The following KCNMA1 variants were observed in gnomAD, a reference collection of about 807,000 sequenced individuals.
KCNMA1 encodes the protein potassium calcium-activated channel subfamily M alpha 1, also known as Calcium-activated potassium channel subunit alpha-1.
A neutral mutation model predicts 140.0 loss-of-function variants in KCNMA1; 29 were observed. The observed-to-expected ratio is 0.21, with a 90% CI of 0.15 to 0.28. The LOEUF (loss-of-function observed/expected upper bound fraction) is 0.28. Among genes scored for constraint, KCNMA1 ranks in the 10% least tolerant of loss-of-function variants. The pLI, the probability that KCNMA1 is intolerant of heterozygous loss-of-function variation, is 1.00. For synonymous variants in KCNMA1, 612 were observed against 611.9 expected, an observed-to-expected ratio of 1.00 and a Z score of 0.00; for missense variants, 880 against 1,602.2, an observed-to-expected ratio of 0.55 and a Z score of 7.70.
chr10:77,168,890 T>A (rs1264083176), intron 5 of KCNMA1, among the ~76,000 whole-genome samples: 3 of 152,238 alleles, frequency 2.0e-5, no homozygotes, highest in Non-Finnish European at 4.4e-5. Context: ...AATAATTTTT[T>A]AAGGCTTTTT....
chr10:76,971,960 A>G (rs2076194824), intron 19 of KCNMA1, among the ~76,000 whole-genome samples: 1 of 146,598 alleles, frequency 6.8e-6, no homozygotes, highest in Non-Finnish European at 1.5e-5. Context: ...GTAGAAAGGC[A>G]GCGAGGGTGT....
intron 9 of KCNMA1, among the ~76,000 whole-genome samples, chr10:77,092,336 C>A (rs934830379): frequency 6.6e-6 from 1 of 152,164 alleles, no homozygotes; most frequent in African/African-American, 2.4e-5. Flanking sequence ...TAAATTTGCA[C>A]GTTCTGAATA....
intron 1 of KCNMA1, among the ~76,000 whole-genome samples, chr10:77,477,339 A>T (rs937430632): frequency 2.0e-5 from 3 of 152,230 alleles, no homozygotes; most frequent in African/African-American, 7.2e-5. Flanking sequence ...AGTTCCTTGG[A>T]CAAAGATCCC....
chr10:77,012,284 C>G, intron 17 of KCNMA1: 1 of 1,459,862 alleles, frequency 6.8e-7, no homozygotes, highest in Non-Finnish European at 9.0e-7. Flanking sequence ...TACAAAGAAA[C>G]TGGGAAAAAA....
At chr10:77,407,207 AGCTATTTAAAGCCTGATGCCAGCCG>A (rs1309808038) in intron 1 of KCNMA1, among the ~76,000 whole-genome samples, 1 of 152,026 alleles carries the variant, frequency 6.6e-6, no homozygotes, top group East Asian at 1.9e-4. Context: ...GTGATGGGGG[AGCTATTTAAAGCCTGATGCCAGCCG>A]GCCAGACTAG....
chr10:77,466,025 T>A (rs1187915197), intron 1 of KCNMA1, among the ~76,000 whole-genome samples: 1 of 152,078 alleles, frequency 6.6e-6, no homozygotes, highest in Admixed American at 6.5e-5. Context: ...GGGCAGGAAG[T>A]AGGATGCCCA....
chr10:76,970,137 C>T, intron 19 of KCNMA1, 70 bp from the exon 20 acceptor site: 1 of 1,168,276 alleles, frequency 8.6e-7, no homozygotes, highest in Non-Finnish European at 1.3e-6. Flanking sequence ...GGCAAAATAT[C>T]AAAGGACACA....
At chr10:77,015,691 T>C (rs550588699) in intron 17 of KCNMA1, among the ~76,000 whole-genome samples, 2 of 152,266 alleles carry the variant, frequency 1.3e-5, no homozygotes, top group Admixed American at 1.3e-4. Context: ...AACTTGCTCC[T>C]TCTCTAGTAT....
At chr10:77,283,672 T>C (rs1002378324) in intron 2 of KCNMA1, among the ~76,000 whole-genome samples, 27 of 152,212 alleles carry the variant, frequency 1.8e-4, no homozygotes, top group East Asian at 1.5e-3. Flanking sequence ...AACACTTCTG[T>C]CCACTTATGT....
chr10:77,179,517 C>T (rs200598536), intron 5 of KCNMA1, among the ~76,000 whole-genome samples: 1 of 152,138 alleles, frequency 6.6e-6, no homozygotes, highest in African/African-American at 2.4e-5. Flanking sequence ...GATCTCTTCC[C>T]TCTCTTCCTG....
At chr10:77,251,385 C>T in intron 2 of KCNMA1, 129 bp from the exon 3 acceptor site, 1 of 732,966 alleles carries the variant, frequency 1.4e-6, no homozygotes, top group East Asian at 2.7e-5. Context: ...GGAAATCTCA[C>T]CCTCATCCCC....
rs551168717 is a variant in KCNMA1, at chr10:77,485,833, C to T, written c.379-81810G>A. On this transcript the variant is annotated intron_variant, in intron 1 of 27. Transcript: ENST00000286628. Reference sequence around the variant, plus strand: ...TGTCCCCCAAGGACCAATGTCCTTGCTTGTCAAATGAGATATAGGGTGACC... The same window carrying T: ...TGTCCCCCAAGGACCAATGTCCTTGTTTGTCAAATGAGATATAGGGTGACC... Among the ~76,000 whole-genome samples, 13 of 152,198 alleles carry T rather than the reference C, an allele frequency of 8.5e-5. No homozygotes were observed. The South Asian group carries it at 2.7e-3, about 32-fold the overall frequency.
chr10:77,031,404 C>T (rs2153542833), intron 15 of KCNMA1, among the ~76,000 whole-genome samples: 1 of 152,314 alleles, frequency 6.6e-6, no homozygotes, highest in South Asian at 2.1e-4. Flanking sequence ...CCACAGTTCC[C>T]ACCACTCTCT....
chr10:77,608,624 A>G (rs534617802), intron 1 of KCNMA1, among the ~76,000 whole-genome samples: 1 of 152,230 alleles, frequency 6.6e-6, no homozygotes, highest in African/African-American at 2.4e-5. Context: ...TTATCTGTTC[A>G]ATCTAGTCAC....
chr10:77,537,893 G>T (rs773193288), intron 1 of KCNMA1, among the ~76,000 whole-genome samples: 5 of 152,092 alleles, frequency 3.3e-5, no homozygotes. Flanking sequence ...CAGCAGGAAT[G>T]GAATGGGCTT....
chr10:77,376,196 A>AG (rs1220668867), intron 2 of KCNMA1, among the ~76,000 whole-genome samples: 1 of 152,174 alleles, frequency 6.6e-6, no homozygotes, highest in Non-Finnish European at 1.5e-5. Flanking sequence ...ATGACCACCC[A>AG]GGGGGCTGCC....
At chr10:77,507,404 C>T (rs530384547) in intron 1 of KCNMA1, among the ~76,000 whole-genome samples, 1 of 152,336 alleles carries the variant, frequency 6.6e-6, no homozygotes, top group Non-Finnish European at 1.5e-5. Flanking sequence ...CTCAGTCTGA[C>T]CAGCTCAGCA....
intron 25 of KCNMA1, chr10:76,904,117 T>C (rs2046787324): frequency 1.3e-5 from 2 of 152,262 alleles, no homozygotes; most frequent in South Asian, 2.1e-4. Context: ...AAGATTTTTA[T>C]ATGCCTTTGC....
At chr10:77,490,024 G>A (rs962098751) in intron 1 of KCNMA1, among the ~76,000 whole-genome samples, 5 of 152,268 alleles carry the variant, frequency 3.3e-5, no homozygotes, top group Middle Eastern at 3.4e-3. Flanking sequence ...TATTGAGGAG[G>A]GTTATCCTGT....
Sources: gnomAD v4.1 joint callset for allele counts (sites outside exome capture counted in the v4.1 genomes callset) on GRCh38, gnomAD v4.1.1 for gene constraint, MANE v1.5 for transcripts, NCBI Gene and HGNC (gene_info 2026-07-23, HGNC 2026-07-21) for gene names.